The following NARS2 variants were observed in gnomAD, a reference collection of about 807,000 sequenced individuals.
The protein encoded by NARS2 is asparaginyl-tRNA synthetase 2, mitochondrial, also known as asparaginyl-tRNA synthetase.
In NARS2, 60 loss-of-function variants were observed where a neutral mutation model predicts 62.9. That is an observed-to-expected ratio of 0.95 (90% CI 0.77 to 1.18). The LOEUF (loss-of-function observed/expected upper bound fraction) is 1.18. Among genes scored for constraint, NARS2 ranks in the 50% most tolerant of loss-of-function variants. NARS2 has a pLI of 0.00. For missense variants in NARS2, 619 were observed against 576.4 expected (o/e 1.07, Z -0.76); for synonymous variants, 196 against 200.0 (o/e 0.98, Z 0.17).
chr11:78,478,831 T>C, intron 7 of NARS2, 148 bp from the exon 8 acceptor site: 1 of 465,244 alleles, frequency 2.1e-6, no homozygotes, highest in Non-Finnish European at 3.8e-6. Flanking sequence ...GAAAATTGGT[T>C]CAGTTTTCCA....
At position 78,493,089 on chromosome 11, in the gene NARS2, C is replaced by A. The variant is rs763199651; in HGVS notation, c.796G>T (p.Val266Phe). The part of the protein sequence containing the change: ...FYMIEAEISF[V>F]DSLQDLMQVI... ...TGCATAAGATCTTGAAGGCTGTCAA[C>A]AAAAGAAATCTCTGCTTCTATCATA... Residue 266 changes from valine (V) to phenylalanine (F), a missense_variant, in exon 7 of 14, where the codon GTT becomes TTT. Physicochemically the swap from Val to Phe is conservative, Grantham distance 50. Coordinates refer to ENST00000281038, the MANE Select transcript of NARS2 (RefSeq NM_024678.6). 6.2e-7 allele frequency: 1 copy of A among 1,613,100 alleles called. No individual in the cohort carries two copies. The highest frequency in any genetic ancestry group is 1.3e-5 in the African/African-American group (1 of 74,832).
chr11:78,519,503 T>C (rs886364136), intron 6 of NARS2, among the ~76,000 whole-genome samples: 3 of 152,190 alleles, frequency 2.0e-5, no homozygotes, highest in African/African-American at 7.2e-5. Context: ...TTCCAATCTT[T>C]TTCTATAAAT....
At chr11:78,563,475 C>G (rs903403149) in intron 4 of NARS2, among the ~76,000 whole-genome samples, 3 of 151,848 alleles carry the variant, frequency 2.0e-5, no homozygotes, top group Non-Finnish European at 4.4e-5. Context: ...CTCGGCCTCC[C>G]AAAGTGCTGA....
At chr11:78,484,690 T>G (rs998466031) in intron 7 of NARS2, among the ~76,000 whole-genome samples, 3 of 152,190 alleles carry the variant, frequency 2.0e-5, no homozygotes, top group African/African-American at 7.2e-5. Flanking sequence ...TGAGATACCA[T>G]CTTATATCAG....
intron 5 of NARS2, among the ~76,000 whole-genome samples, chr11:78,537,784 C>G (rs1855419915): frequency 6.6e-6 from 1 of 152,198 alleles, no homozygotes; most frequent in African/African-American, 2.4e-5. Flanking sequence ...GGCAACAGAG[C>G]AAGATCTTGT....
intron 4 of NARS2, among the ~76,000 whole-genome samples, chr11:78,561,998 G>C (rs1053529655): frequency 5.9e-5 from 9 of 152,100 alleles, no homozygotes; most frequent in African/African-American, 7.2e-5. Flanking sequence ...TCACGCCACT[G>C]TGCTCTAGCC....
At chr11:78,561,875 C>T (rs1590867905) in intron 4 of NARS2, among the ~76,000 whole-genome samples, 2 of 151,936 alleles carry the variant, frequency 1.3e-5, no homozygotes, top group African/African-American at 4.8e-5. Context: ...GCCTGACCAA[C>T]ATGGTAAAAC....
rs554385516 is a variant in NARS2, at chr11:78,511,671, C to T, written c.689+17171G>A. Among the ~76,000 whole-genome samples, 379 of 151,364 alleles carry T rather than the reference C, an allele frequency of 2.5e-3. 1 individual carries two copies. Among genetic ancestry groups the T allele is most frequent in the African/African-American group, 8.3e-3 (341 of 41,206 alleles). ...GGCGGAGCTTGCAGTGAGCTGAGAT[C>T]GCCCCACTGCACTCCAGCCTGGGTG... is the stretch of plus-strand genomic sequence containing the variant. On this transcript the variant is annotated intron_variant, in intron 6 of 13. Coordinates refer to ENST00000281038, the MANE Select transcript of NARS2 (RefSeq NM_024678.6).
At chr11:78,529,799 T>C (rs1565261472) in intron 5 of NARS2, among the ~76,000 whole-genome samples, 1 of 152,176 alleles carries the variant, frequency 6.6e-6, no homozygotes, top group Non-Finnish European at 1.5e-5. Context: ...GTGCTGGGAT[T>C]TATAGGCATG....
chr11:78,535,389 AT>A (rs1379938793), intron 5 of NARS2, among the ~76,000 whole-genome samples: 2 of 152,206 alleles, frequency 1.3e-5, no homozygotes, highest in African/African-American at 2.4e-5. Flanking sequence ...TATAAAAAAC[AT>A]TTTTTAAAGT....
chr11:78,548,994 G>A (rs1252619660), intron 5 of NARS2, among the ~76,000 whole-genome samples: 3 of 152,166 alleles, frequency 2.0e-5, no homozygotes, highest in Admixed American at 1.3e-4. Context: ...CCCAATTAGA[G>A]CCAAGATCAC....
intron 12 of NARS2, among the ~76,000 whole-genome samples, chr11:78,442,113 T>C (rs1857594271): frequency 6.6e-6 from 1 of 152,198 alleles, no homozygotes; most frequent in East Asian, 1.9e-4. Context: ...TAGGTAAACA[T>C]TTAATGTTAC....
At chr11:78,489,496 T>A (rs1339030109) in intron 7 of NARS2, among the ~76,000 whole-genome samples, 1 of 152,134 alleles carries the variant, frequency 6.6e-6, no homozygotes, top group Non-Finnish European at 1.5e-5. Context: ...CTGGTAGGAA[T>A]GCAAAATGGA....
chr11:78,541,300 C>G (rs1855608542), intron 5 of NARS2, among the ~76,000 whole-genome samples: 1 of 151,314 alleles, frequency 6.6e-6, no homozygotes, highest in South Asian at 2.1e-4. Flanking sequence ...TTCTCAGCTT[C>G]TAGTACAATC....
chr11:78,502,375 C>T (rs902406701), intron 6 of NARS2, among the ~76,000 whole-genome samples: 2 of 152,184 alleles, frequency 1.3e-5, no homozygotes, highest in African/African-American at 2.4e-5. Context: ...GTGGATTTTC[C>T]TTTGTGCACA....
At chr11:78,493,731 A>T (rs1445575144) in intron 6 of NARS2, among the ~76,000 whole-genome samples, 1 of 152,148 alleles carries the variant, frequency 6.6e-6, no homozygotes, top group Admixed American at 6.5e-5. Flanking sequence ...ATCCTGAAGG[A>T]ATCTGCAACT....
intron 5 of NARS2, among the ~76,000 whole-genome samples, chr11:78,555,954 G>T (rs116120552): frequency 6.6e-6 from 1 of 151,958 alleles, no homozygotes; most frequent in African/African-American, 2.4e-5. Flanking sequence ...GGTTATTCAG[G>T]AGCATGTTGT....
At chr11:78,570,162 C>A (rs1466778116) in intron 2 of NARS2, among the ~76,000 whole-genome samples, 2 of 152,180 alleles carry the variant, frequency 1.3e-5, no homozygotes, top group Admixed American at 1.3e-4. Context: ...TACATTCCAG[C>A]CTGAGCGACA....
At chr11:78,494,469 CTTT>C (rs11437113) in intron 6 of NARS2, among the ~76,000 whole-genome samples, 74 of 133,196 alleles carry the variant, frequency 5.6e-4, no homozygotes, top group African/African-American at 1.8e-3. Context: ...TTTTCTTTTT[CTTT>C]TTTTTTTTTT....
Sources: gnomAD v4.1 joint callset for allele counts (sites outside exome capture counted in the v4.1 genomes callset) on GRCh38, gnomAD v4.1.1 for gene constraint, MANE v1.5 for transcripts, NCBI Gene and HGNC (gene_info 2026-07-23, HGNC 2026-07-21) for gene names.